The following ULK4 variants were observed in gnomAD, a reference collection of about 807,000 sequenced individuals.
The protein encoded by ULK4 is unc-51 like kinase 4.
ULK4 carries 133 observed loss-of-function variants against 160.6 expected under a neutral mutation model. The ratio of observed to expected loss-of-function variants is 0.83; its 90% confidence interval spans 0.72 to 0.96. The LOEUF is 0.96. ULK4 is among the 40% of genes least tolerant of loss of function. The pLI, the probability that ULK4 is intolerant of heterozygous loss-of-function variation, is 0.00. For missense variants in ULK4, 1,580 were observed against 1,499.5 expected, an observed-to-expected ratio of 1.05 and a Z score of -0.89; for synonymous variants, 534 against 539.8, an observed-to-expected ratio of 0.99 and a Z score of 0.15.
chr3:41,525,403 C>A (rs117504641), intron 32 of ULK4, among the ~76,000 whole-genome samples: 1 of 152,188 alleles, frequency 6.6e-6, no homozygotes, highest in Admixed American at 6.5e-5. Context: ...TCTTCCTGAT[C>A]GGCTCCCCAT....
At chr3:41,829,756 G>C (rs2041505204) in intron 18 of ULK4, among the ~76,000 whole-genome samples, 1 of 150,644 alleles carries the variant, frequency 6.6e-6, no homozygotes, top group African/African-American at 2.5e-5. Context: ...CAGAGATCTA[G>C]AACTAGAAAT....
At chr3:41,596,083 C>T (rs9868485) in intron 31 of ULK4, among the ~76,000 whole-genome samples, 7,489 of 152,194 alleles carry the variant, frequency 0.049, 426 homozygotes, top group African/African-American at 0.13. Flanking sequence ...AGCAGGGATA[C>T]TCTAGTCATT....
intron 35 of ULK4, among the ~76,000 whole-genome samples, chr3:41,308,396 A>G (rs946976501): frequency 1.3e-5 from 2 of 152,120 alleles, no homozygotes; most frequent in Admixed American, 1.3e-4. Context: ...TACAAACACA[A>G]GGGACTTCAT....
chr3:41,799,876 T>G (rs914983822), intron 20 of ULK4, among the ~76,000 whole-genome samples: 2 of 152,032 alleles, frequency 1.3e-5, no homozygotes, highest in African/African-American at 4.8e-5. Context: ...ATAAATAAAC[T>G]TATTAATTAG....
In ULK4 at chr3:41,723,725, G is replaced by A. The variant is rs549300257; in HGVS notation, c.2322-5864C>T. On this transcript the variant is annotated intron_variant, in intron 22 of 36. Transcript: ENST00000301831. ...TCTCTAGAGAAAATAAAAACCATCT[G>A]GACTGAGAAATAGCAGACCAAGATT... Among the ~76,000 whole-genome samples the A allele has an allele frequency of 7.2e-5, 11 of 152,242 alleles. No individual in the cohort carries two copies. In the South Asian group the frequency reaches 1.2e-3, roughly 17 times the overall value.
chr3:41,481,298 C>T (rs2084313711), intron 32 of ULK4, among the ~76,000 whole-genome samples: 1 of 152,114 alleles, frequency 6.6e-6, no homozygotes, highest in South Asian at 2.1e-4. Flanking sequence ...AAAATACAAA[C>T]CCTTAATATC....
At chr3:41,357,143 T>C (rs1228312541) in intron 35 of ULK4, among the ~76,000 whole-genome samples, 1 of 152,180 alleles carries the variant, frequency 6.6e-6, no homozygotes, top group Non-Finnish European at 1.5e-5. Context: ...GCTTGGACTA[T>C]GTGAGGACAT....
intron 35 of ULK4, among the ~76,000 whole-genome samples, chr3:41,257,032 G>T (rs1575360138): frequency 6.6e-6 from 1 of 152,018 alleles, no homozygotes; most frequent in African/African-American, 2.4e-5. Context: ...CAGCTAAAAA[G>T]AACTCGTCAA....
intron 19 of ULK4, 102 bp from the exon 20 acceptor site, chr3:41,800,395 T>A: frequency 8.7e-7 from 1 of 1,152,300 alleles, no homozygotes; most frequent in Non-Finnish European, 1.2e-6. Flanking sequence ...GACAGTAACA[T>A]GCCTCTGGAT....
intron 14 of ULK4, 56 bp from the exon 15 acceptor site, chr3:41,897,059 A>C: frequency 3.4e-6 from 5 of 1,452,010 alleles, no homozygotes; most frequent in Non-Finnish European, 4.7e-6. Context: ...AACTGCTGGA[A>C]ACATTACATA....
At chr3:41,527,075 T>C (rs56218698) in intron 32 of ULK4, among the ~76,000 whole-genome samples, 22,708 of 152,160 alleles carry the variant, frequency 0.15, 1,790 homozygotes, top group Admixed American at 0.19. Context: ...TTAACTCTTA[T>C]GAACTTTGTA....
At chr3:41,607,057 T>C (rs2032416761) in intron 31 of ULK4, among the ~76,000 whole-genome samples, 1 of 152,124 alleles carries the variant, frequency 6.6e-6, no homozygotes, top group Non-Finnish European at 1.5e-5. Context: ...TCTCTTAGGT[T>C]TTCTTCTGGT....
chr3:41,544,065 A>T (rs909949174), intron 32 of ULK4, among the ~76,000 whole-genome samples: 1 of 152,138 alleles, frequency 6.6e-6, no homozygotes, highest in Non-Finnish European at 1.5e-5. Context: ...TCCTGTGTAT[A>T]GGCCGTATTT....
chr3:41,545,007 CTTGTA>C (rs2086810717), intron 32 of ULK4, among the ~76,000 whole-genome samples: 1 of 152,132 alleles, frequency 6.6e-6, no homozygotes, highest in African/African-American at 2.4e-5. Context: ...ATAAACACTC[CTTGTA>C]TTGTTGCAAG....
intron 19 of ULK4, among the ~76,000 whole-genome samples, chr3:41,804,457 C>A (rs541422860): frequency 2.4e-4 from 36 of 151,200 alleles, no homozygotes; most frequent in Non-Finnish European, 4.3e-4. Context: ...ATGGTAGTTT[C>A]TTTTGCTGTG....
intron 35 of ULK4, among the ~76,000 whole-genome samples, chr3:41,345,832 G>A (rs1213769448): frequency 6.6e-6 from 1 of 152,162 alleles, no homozygotes; most frequent in African/African-American, 2.4e-5. Context: ...ACAAAGTCAT[G>A]AATGCTACAA....
At chr3:41,626,758 C>CCTTGT (rs1553622333) in intron 30 of ULK4, among the ~76,000 whole-genome samples, 1 of 152,030 alleles carries the variant, frequency 6.6e-6, no homozygotes, top group East Asian at 1.9e-4. Context: ...GATCTCCTAA[C>CCTTGT]CTCGTGATCC....
intron 32 of ULK4, among the ~76,000 whole-genome samples, chr3:41,536,137 C>A (rs1227737023): frequency 6.6e-6 from 1 of 152,146 alleles, no homozygotes; most frequent in Non-Finnish European, 1.5e-5. Context: ...CAGTTATCAG[C>A]AAAATCCCTC....
intron 32 of ULK4, among the ~76,000 whole-genome samples, chr3:41,512,169 C>T (rs918591664): frequency 1.3e-5 from 2 of 152,186 alleles, no homozygotes; most frequent in African/African-American, 4.8e-5. Flanking sequence ...CCACAGCCAA[C>T]ATTATACTCA....
Sources: allele counts gnomAD v4.1 joint callset (sites outside exome capture counted in the v4.1 genomes callset), GRCh38; gene constraint gnomAD v4.1.1; transcripts MANE v1.5; gene names NCBI Gene and HGNC (gene_info 2026-07-23, HGNC 2026-07-21).